DCDC2: variants seen among roughly 807,000 people sequenced by gnomAD.
DCDC2 encodes doublecortin domain containing 2.
Under a neutral mutation model 50.2 loss-of-function variants are expected in DCDC2, and 40 were observed. The observed-to-expected ratio is 0.80, with a 90% CI of 0.62 to 1.04. DCDC2 has a LOEUF of 1.04. Among genes scored for constraint, DCDC2 ranks in the 50% least tolerant of loss-of-function variants. The pLI, the probability that DCDC2 is intolerant of heterozygous loss-of-function variation, is 0.00. For synonymous variants in DCDC2, 234 were observed against 210.6 expected (o/e 1.11, Z -0.96); for missense variants, 570 against 581.9 (o/e 0.98, Z 0.21).
intron 7 of DCDC2, among the ~76,000 whole-genome samples, chr6:24,267,418 T>C (rs1374261391): frequency 6.6e-6 from 1 of 152,180 alleles, no homozygotes; most frequent in Admixed American, 6.5e-5. Context: ...ATGTATCCCA[T>C]AAATATATAT....
the DCDC2 span, among the ~76,000 whole-genome samples, chr6:24,379,675 C>T: frequency 6.6e-6 from 1 of 152,110 alleles, no homozygotes; most frequent in Non-Finnish European, 1.5e-5. Flanking sequence ...TTTGACCCAG[C>T]GATCCCATTA....
chr6:24,260,041 A>T (rs1762978003), intron 7 of DCDC2, among the ~76,000 whole-genome samples: 1 of 152,148 alleles, frequency 6.6e-6, no homozygotes, highest in Admixed American at 6.5e-5. Flanking sequence ...TAGTTTTTTA[A>T]ATTTTTATTA....
At chr6:24,265,015 G>A (rs916458193) in intron 7 of DCDC2, among the ~76,000 whole-genome samples, 1 of 151,918 alleles carries the variant, frequency 6.6e-6, no homozygotes, top group African/African-American at 2.4e-5. Flanking sequence ...AAACTCTAAA[G>A]AGAGGCCAAG....
At chr6:24,221,127 T>G (rs759830612) in intron 7 of DCDC2, among the ~76,000 whole-genome samples, 4 of 152,124 alleles carry the variant, frequency 2.6e-5, no homozygotes, top group Admixed American at 1.3e-4. Flanking sequence ...ACAGACCTTC[T>G]CTCTTCATCA....
At chr6:24,240,510 G>A (rs1762543039) in intron 7 of DCDC2, among the ~76,000 whole-genome samples, 1 of 152,124 alleles carries the variant, frequency 6.6e-6, no homozygotes, top group South Asian at 2.1e-4. Context: ...TTTCAAAGCT[G>A]TTTCCACCAG....
chr6:24,175,945 T>A (rs4549612), intron 9 of DCDC2, among the ~76,000 whole-genome samples: 110,849 of 152,064 alleles, frequency 0.73, 42,830 homozygotes, highest in East Asian at 0.97. Context: ...TTGTTATAAG[T>A]AAGAGATGAG....
intron 7 of DCDC2, among the ~76,000 whole-genome samples, chr6:24,270,254 G>C (rs1355494323): frequency 1.3e-5 from 2 of 152,106 alleles, no homozygotes. Flanking sequence ...TGGGCAAACT[G>C]GTTTCTCCTC....
At chr6:24,195,863 C>G (rs577000595) in intron 8 of DCDC2, among the ~76,000 whole-genome samples, 1 of 152,216 alleles carries the variant, frequency 6.6e-6, no homozygotes, top group Non-Finnish European at 1.5e-5. Flanking sequence ...CCTCTGCTCA[C>G]AAGATGGGCA....
intron 7 of DCDC2, among the ~76,000 whole-genome samples, chr6:24,207,279 T>TCTCTCTCTCTCTCTCG: frequency 6.6e-6 from 1 of 151,088 alleles, no homozygotes; most frequent in South Asian, 2.1e-4. Context: ...TCTCTCTCTC[T>TCTCTCTCTCTCTCTCG]CTCTCTCTCA....
chr6:24,175,939 T>C (rs928424521), intron 9 of DCDC2, among the ~76,000 whole-genome samples: 1 of 152,156 alleles, frequency 6.6e-6, no homozygotes, highest in African/African-American at 2.4e-5. Flanking sequence ...ATATCATTGT[T>C]ATAAGTAAGA....
chr6:24,281,480 C>T (rs1299595793), intron 6 of DCDC2, among the ~76,000 whole-genome samples: 33 of 70,260 alleles, frequency 4.7e-4, no homozygotes, highest in South Asian at 1.1e-3. Flanking sequence ...CAGCTAAATG[C>T]TTTTAAGAAA....
chr6:24,202,015 C>T (rs1300430864), intron 8 of DCDC2, among the ~76,000 whole-genome samples: 3 of 151,884 alleles, frequency 2.0e-5, no homozygotes, highest in Non-Finnish European at 4.4e-5. Flanking sequence ...AAAAAAAAAG[C>T]CCAGAACCAG....
intron 8 of DCDC2, among the ~76,000 whole-genome samples, chr6:24,180,263 T>A (rs547642416): frequency 7.9e-5 from 12 of 152,238 alleles, no homozygotes; most frequent in African/African-American, 2.2e-4. Context: ...ATGCTATCAA[T>A]AAAATAACAC....
intron 7 of DCDC2, among the ~76,000 whole-genome samples, chr6:24,216,835 C>T (rs16888907): frequency 0.055 from 8,416 of 152,270 alleles, 639 homozygotes; most frequent in African/African-American, 0.17. Context: ...TCAATGTAAC[C>T]AGAATTGTAC....
chr6:24,331,235 T>C (rs1349624263), intron 2 of DCDC2, among the ~76,000 whole-genome samples: 3 of 152,128 alleles, frequency 2.0e-5, no homozygotes, highest in Non-Finnish European at 4.4e-5. Flanking sequence ...AGCCATTGCT[T>C]ATACAGTGTT....
chr6:24,312,392 T>C lies in DCDC2; in HGVS notation c.349-10348A>G, dbSNP rs142257100. On this transcript the variant is annotated intron_variant, in intron 2 of 9. Coordinates refer to ENST00000378454, the MANE Select transcript of DCDC2 (RefSeq NM_016356.5). The stretch of plus-strand genomic sequence containing the variant: ...TAGAAATTCCATAATCCAGGGATGG[T>C]GGCAAAATCAGGCCAGCCACGGAAA... Among the ~76,000 whole-genome samples the C allele has an allele frequency of 4.2e-3, 646 of 152,294 alleles. 4 individuals carry two copies. Among genetic ancestry groups the C allele is most frequent in the African/African-American group, 0.013 (529 of 41,556 alleles).
chr6:24,367,122 C>T, the DCDC2 span, among the ~76,000 whole-genome samples: 677 of 152,336 alleles, frequency 4.4e-3, 7 homozygotes, highest in Non-Finnish European at 8.0e-3. Context: ...AGCCATGAGA[C>T]ACCATGCCTG....
chr6:24,273,936 T>C (rs1170251877), intron 7 of DCDC2, among the ~76,000 whole-genome samples: 1 of 152,110 alleles, frequency 6.6e-6, no homozygotes, highest in Non-Finnish European at 1.5e-5. Flanking sequence ...AAATCACAAG[T>C]TTCATGGAAA....
chr6:24,188,787 T>C lies in DCDC2; in HGVS notation c.1024-10155A>G, dbSNP rs558877779. ...CGCCGGAGGCAAAAAAGGGTATTCA[T>C]TATACTCTATCTTAAATCCCCATTA... On this transcript the variant is annotated intron_variant, in intron 8 of 9. Coordinates refer to ENST00000378454, the MANE Select transcript of DCDC2 (RefSeq NM_016356.5). Among the ~76,000 whole-genome samples the C allele has an allele frequency of 2.0e-5, 3 of 152,192 alleles. No homozygotes were observed. The South Asian group carries it at 6.2e-4, about 32-fold the overall frequency.
Sources: gnomAD v4.1 joint callset for allele counts (sites outside exome capture counted in the v4.1 genomes callset) on GRCh38, gnomAD v4.1.1 for gene constraint, MANE v1.5 for transcripts, NCBI Gene and HGNC (gene_info 2026-07-23, HGNC 2026-07-21) for gene names.